Variants in GRM7 observed in about 807,000 individuals in gnomAD.
The protein encoded by GRM7 is metabotropic glutamate receptor 7.
Under a neutral mutation model 84.5 loss-of-function variants are expected in GRM7, and 35 were observed. The ratio of observed to expected loss-of-function variants is 0.41; its 90% CI spans 0.32 to 0.55. The LOEUF (loss-of-function observed/expected upper bound fraction) is 0.55, where lower values mean the gene tolerates loss of function less well. GRM7 is among the 20% of genes least tolerant of loss of function. The pLI is 0.19. For synonymous variants in GRM7, 487 were observed against 455.1 expected (o/e 1.07, Z -0.89); for missense variants, 1,003 against 1,194.6 (o/e 0.84, Z 2.36).
chr3:7,655,501 C>T (rs776758806), intron 8 of GRM7, among the ~76,000 whole-genome samples: 1 of 152,188 alleles, frequency 6.6e-6, no homozygotes, highest in Non-Finnish European at 1.5e-5. Context: ...AGGTCACTTT[C>T]AAAGATTCAG....
At chr3:7,704,873 G>A (rs992177444) in intron 9 of GRM7, among the ~76,000 whole-genome samples, 9 of 152,166 alleles carry the variant, frequency 5.9e-5, no homozygotes, top group Admixed American at 2.6e-4. Flanking sequence ...CAGGTGGATA[G>A]AGAACCTCCT....
chr3:7,483,170 C>T (rs1699198165), intron 7 of GRM7, among the ~76,000 whole-genome samples: 1 of 152,058 alleles, frequency 6.6e-6, no homozygotes, highest in African/African-American at 2.4e-5. Context: ...GAGGATGCAA[C>T]CTTGGACATG....
At chr3:7,319,283 A>C (rs190545388) in intron 4 of GRM7, among the ~76,000 whole-genome samples, 23 of 152,126 alleles carry the variant, frequency 1.5e-4, no homozygotes, top group African/African-American at 5.3e-4. Context: ...GCCTTAAAGA[A>C]CACATAGTAG....
At chr3:6,897,741 C>G (rs1696236950) in intron 1 of GRM7, among the ~76,000 whole-genome samples, 1 of 152,190 alleles carries the variant, frequency 6.6e-6, no homozygotes, top group Admixed American at 6.6e-5. Flanking sequence ...AGAAGTTCAT[C>G]AAACAAGGTT....
At chr3:7,541,580 G>C (rs979192653) in intron 7 of GRM7, among the ~76,000 whole-genome samples, 51 of 152,096 alleles carry the variant, frequency 3.4e-4, no homozygotes, top group Admixed American at 2.9e-3. Context: ...TAGTTTACAT[G>C]TGTTTTCCAC....
intron 7 of GRM7, among the ~76,000 whole-genome samples, chr3:7,501,952 A>G (rs571756048): frequency 6.6e-6 from 1 of 152,308 alleles, no homozygotes; most frequent in South Asian, 2.1e-4. Flanking sequence ...GCAAGAATTT[A>G]TTGCCTCATT....
At chr3:6,956,407 A>C (rs1693049764) in intron 1 of GRM7, among the ~76,000 whole-genome samples, 1 of 152,222 alleles carries the variant, frequency 6.6e-6, no homozygotes, top group Non-Finnish European at 1.5e-5. Context: ...ATCATTACAG[A>C]GAAGCCCTGC....
intron 2 of GRM7, among the ~76,000 whole-genome samples, chr3:7,165,426 T>C (rs192162710): frequency 2.0e-5 from 3 of 152,386 alleles, no homozygotes; most frequent in Non-Finnish European, 2.9e-5. Flanking sequence ...TGGTGTCTAT[T>C]CACTTTACTG....
At chr3:6,989,562 G>A (rs1043401354) in intron 1 of GRM7, among the ~76,000 whole-genome samples, 21 of 152,100 alleles carry the variant, frequency 1.4e-4, no homozygotes, top group African/African-American at 5.1e-4. Context: ...TGTCAATCCT[G>A]ATCATACAAC....
chr3:7,698,284 G>A (rs1213115332), intron 9 of GRM7, among the ~76,000 whole-genome samples: 1 of 152,060 alleles, frequency 6.6e-6, no homozygotes, highest in African/African-American at 2.4e-5. Flanking sequence ...GCATAAAGTG[G>A]CAGCAGCAGT....
chr3:7,395,133 C>T (rs560750867), intron 4 of GRM7, among the ~76,000 whole-genome samples: 39 of 152,004 alleles, frequency 2.6e-4, no homozygotes, highest in South Asian at 1.7e-3. Flanking sequence ...TCTTCTTTTC[C>T]GCTTTAAATA....
chr3:7,227,832 A>T (rs982433052), intron 2 of GRM7, among the ~76,000 whole-genome samples: 1 of 152,160 alleles, frequency 6.6e-6, no homozygotes, highest in African/African-American at 2.4e-5. Context: ...TATAACATAA[A>T]AAAGAGAGAG....
intron 3 of GRM7, among the ~76,000 whole-genome samples, chr3:7,305,355 T>C (rs1412918404): frequency 4.4e-5 from 2 of 44,982 alleles, no homozygotes; most frequent in Admixed American, 3.7e-4. Context: ...TTTTTTTTTT[T>C]TTTAATTATA....
intron 2 of GRM7, among the ~76,000 whole-genome samples, chr3:7,155,720 A>G (rs1694427000): frequency 6.6e-6 from 1 of 152,070 alleles, no homozygotes; most frequent in Non-Finnish European, 1.5e-5. Context: ...CTCTCAAGAG[A>G]TTATAGAAAA....
chr3:6,886,178 G>A (rs1436668790), intron 1 of GRM7, among the ~76,000 whole-genome samples: 2 of 152,182 alleles, frequency 1.3e-5, no homozygotes, highest in Admixed American at 1.3e-4. Context: ...AACCAGTGCT[G>A]TATTATTAAC....
chr3:7,144,498 C>G (rs1210675324), intron 1 of GRM7, among the ~76,000 whole-genome samples: 2 of 152,086 alleles, frequency 1.3e-5, no homozygotes, highest in Non-Finnish European at 2.9e-5. Flanking sequence ...GGAGAATGTT[C>G]GTGATGACGT....
intron 7 of GRM7, among the ~76,000 whole-genome samples, chr3:7,478,117 G>T (rs1409927741): frequency 6.6e-6 from 1 of 152,010 alleles, no homozygotes; most frequent in Non-Finnish European, 1.5e-5. Flanking sequence ...TTTCTCTGTG[G>T]TGATTATGAC....
intron 7 of GRM7, among the ~76,000 whole-genome samples, chr3:7,465,889 A>G (rs1698443152): frequency 6.6e-6 from 1 of 152,252 alleles, no homozygotes; most frequent in Admixed American, 6.5e-5. Context: ...AGTGCTTAGC[A>G]GTGTGCTGTC....
intron 5 of GRM7, among the ~76,000 whole-genome samples, chr3:7,433,642 C>A (rs1162479729): frequency 1.3e-5 from 2 of 152,166 alleles, no homozygotes; most frequent in Non-Finnish European, 2.9e-5. Flanking sequence ...AGGTCATGAT[C>A]CAAGTATCTT....
Sources: gnomAD v4.1 joint callset for allele counts (sites outside exome capture counted in the v4.1 genomes callset) on GRCh38, gnomAD v4.1.1 for gene constraint, MANE v1.5 for transcripts, NCBI Gene and HGNC (gene_info 2026-07-23, HGNC 2026-07-21) for gene names.